CHST1: variants seen among roughly 807,000 people sequenced by gnomAD.
The protein encoded by CHST1 is Keratan sulfotransferase.
In CHST1, 10 loss-of-function variants were observed where a neutral mutation model predicts 22.5. That is an observed-to-expected ratio of 0.44 (90% CI 0.27 to 0.75). The LOEUF is 0.75. Ranked by LOEUF, CHST1 falls within the 30% of genes least tolerant of loss-of-function variation. CHST1 has a pLI of 0.15. For synonymous variants in CHST1, 267 were observed against 264.5 expected (o/e 1.01, Z -0.09); for missense variants, 439 against 576.1 (o/e 0.76, Z 2.44).
At chr11:45,663,008 G>A (rs779446818) in intron 1 of CHST1, among the ~76,000 whole-genome samples, 1 of 152,190 alleles carries the variant, frequency 6.6e-6, no homozygotes, top group Admixed American at 6.5e-5. Context: ...CCGCTACACC[G>A]AGTCCTCTGA....
chr11:45,658,104 G>C (rs1262539895), intron 1 of CHST1, among the ~76,000 whole-genome samples: 2 of 152,200 alleles, frequency 1.3e-5, no homozygotes, highest in Non-Finnish European at 2.9e-5. Context: ...AGCATTCAGG[G>C]AGGCAGTCGG....
In CHST1 at chr11:45,648,952, C is replaced by T. The variant is rs549993949; in HGVS notation, c.*736G>A. 18 of 152,568 alleles carry T rather than the reference C, an allele frequency of 1.2e-4. No individual in the cohort carries two copies. The highest frequency in any genetic ancestry group is 3.6e-4 in the African/African-American group (15 of 41,488). The allele number at this position is 152,568 out of a possible 1,614,324, so 9.5% of individuals were successfully genotyped here. On this transcript the variant is annotated 3_prime_UTR_variant, in exon 4 of 4. Transcript: ENST00000308064. ...TCAATGTTCATTTAGCAAACTGATC[C>T]ACTCTTTTTTTTTCTTTTTGGCACA...
At chr11:45,663,162 G>A (rs894877658) in intron 1 of CHST1, among the ~76,000 whole-genome samples, 1 of 152,156 alleles carries the variant, frequency 6.6e-6, no homozygotes, top group Non-Finnish European at 1.5e-5. Context: ...GCGGGCAAGG[G>A]AGGGAGACAG....
intron 1 of CHST1, among the ~76,000 whole-genome samples, chr11:45,660,081 T>C (rs1852111351): frequency 6.6e-6 from 1 of 152,228 alleles, no homozygotes; most frequent in Non-Finnish European, 1.5e-5. Flanking sequence ...ACCTCCATTG[T>C]AGAACACAAT....
intron 1 of CHST1, among the ~76,000 whole-genome samples, chr11:45,656,656 A>G (rs1016060831): frequency 6.6e-6 from 1 of 152,224 alleles, no homozygotes; most frequent in African/African-American, 2.4e-5. Flanking sequence ...TAGGAAGTAG[A>G]GGGGTGATTG....
At chr11:45,653,217 C>A (rs1371306460) in intron 1 of CHST1, among the ~76,000 whole-genome samples, 3 of 152,132 alleles carry the variant, frequency 2.0e-5, no homozygotes, top group Non-Finnish European at 4.4e-5. Flanking sequence ...CAACTTCTAG[C>A]ACTGTGTTAT....
At chr11:45,656,586 G>A (rs1027704683) in intron 1 of CHST1, among the ~76,000 whole-genome samples, 1 of 152,174 alleles carries the variant, frequency 6.6e-6, no homozygotes, top group Non-Finnish European at 1.5e-5. Context: ...CGTTTACACT[G>A]AGCTTTTTGA....
intron 3 of CHST1, 154 bp from the exon 4 acceptor site, chr11:45,651,119 G>T: frequency 4.1e-6 from 2 of 485,866 alleles, no homozygotes; most frequent in Non-Finnish European, 7.0e-6. Flanking sequence ...TTCTACACTA[G>T]ACTACCGTTC....
Position 45,650,655 on chromosome 11 carries a change from A to G in CHST1, c.269T>C (p.Phe90Ser), listed in dbSNP as rs753234808. Residue 90 changes from phenylalanine to serine, a missense_variant, in exon 4 of 4, where the codon TTT (phenylalanine) becomes TCT (serine). By Grantham distance (155) the Phe-to-Ser change is radical. Transcript: ENST00000308064. ...GTTCTGGACGTGGTAGAGGGGCTCA[A>G]ACAGGTAGAAGACGTCCAGGTGCTG... ...FNQHLDVFYL[F>S]EPLYHVQNTL... 1.2e-6 allele frequency: 2 copies of G among 1,614,104 alleles called. No individual in the cohort carries two copies. Among genetic ancestry groups the G allele is most frequent in the Non-Finnish European group, 1.7e-6 (2 of 1,179,992 alleles).
chr11:45,650,492 G>C lies in CHST1; in HGVS notation c.432C>G (p.Val144=), dbSNP rs1590687362. Residue 144 remains valine, a synonymous_variant, in exon 4 of 4, where the codon GTC becomes GTG. Transcript: ENST00000308064. ...GGAAGATCCTGTCGGTGGTGTGGTT[G>C]ACCGGCGGCGGCTTGATGTAGTTCT... ...FLENYIKPPP[V]NHTTDRIFRR... is the part of the protein sequence containing the mutation. 6.2e-7 allele frequency: 1 copy of C among 1,613,600 alleles called. No homozygotes were observed. The highest frequency in any genetic ancestry group is 1.3e-5 in the African/African-American group (1 of 75,066).
chr11:45,656,671 C>G (rs1479188246), intron 1 of CHST1, among the ~76,000 whole-genome samples: 1 of 152,098 alleles, frequency 6.6e-6, no homozygotes, highest in Non-Finnish European at 1.5e-5. Flanking sequence ...TGATTGATGA[C>G]AGGGTGCGGT....
Position 45,649,654 on chromosome 11 carries a change from C to G in CHST1, c.*34G>C, listed in dbSNP as rs1851963454. The G allele has an allele frequency of 1.3e-6, 2 of 1,511,866 alleles. No homozygotes were observed. Among genetic ancestry groups the G allele is most frequent in the Non-Finnish European group, 1.8e-6 (2 of 1,138,388 alleles). The allele number at this position is 1,511,866 out of a possible 1,614,324, so 93.7% of individuals were successfully genotyped here. A position where few individuals can be genotyped will look rare whatever the true frequency, so the allele number is the denominator to read the frequency against. On this transcript the variant is annotated 3_prime_UTR_variant, in exon 4 of 4. Coordinates refer to ENST00000308064, the MANE Select transcript of CHST1 (RefSeq NM_003654.6). ...CGGTCCATTTTATCAAAACCGACACCTTGCGCCTCCCGCCCCCACCCGCAC... is the reference window on the plus strand; with the variant it reads ...CGGTCCATTTTATCAAAACCGACACGTTGCGCCTCCCGCCCCCACCCGCAC...
Position 45,650,255 on chromosome 11 carries a change from C to T in CHST1, c.669G>A (p.Pro223=), listed in dbSNP as rs557691037. 1 of 1,607,542 alleles carries T rather than the reference C, an allele frequency of 6.2e-7. No homozygotes were observed. ...VNDLRALVED[P]RLNLKVIQLV... Reference sequence around the variant, plus strand: ...GCTGGATGACCTTGAGGTTTAATCGCGGGTCTTCCACCAGGGCGCGCAGGT... The same window carrying T: ...GCTGGATGACCTTGAGGTTTAATCGTGGGTCTTCCACCAGGGCGCGCAGGT... Residue 223 remains proline, a synonymous_variant, in exon 4 of 4, where the codon CCG becomes CCA. Transcript: ENST00000308064.
At chr11:45,654,795 G>C (rs1181212158) in intron 1 of CHST1, among the ~76,000 whole-genome samples, 1 of 152,228 alleles carries the variant, frequency 6.6e-6, no homozygotes, top group Non-Finnish European at 1.5e-5. Flanking sequence ...CCAGGAGAAA[G>C]CTCAGATTTC....
At chr11:45,659,614 C>G (rs1179954061) in intron 1 of CHST1, among the ~76,000 whole-genome samples, 1 of 152,116 alleles carries the variant, frequency 6.6e-6, no homozygotes, top group East Asian at 1.9e-4. Flanking sequence ...AGCTGAACGA[C>G]AAGAATGAAA....
In CHST1 at chr11:45,662,985, TC is replaced by T. The variant is rs1160931479; in HGVS notation, c.-227+2192del. Among the ~76,000 whole-genome samples the T allele has an allele frequency of 6.6e-5, 10 of 152,092 alleles. No individual in the cohort carries two copies. In the South Asian group the frequency reaches 2.1e-3, roughly 32 times the overall value. ...CTGGTTTTACTATATGTTTCCCTTC[TC>T]CCCCACCACAGCCGCTACACCGAGT... On this transcript the variant is annotated intron_variant, in intron 1 of 3. Transcript: ENST00000308064.
intron 1 of CHST1, among the ~76,000 whole-genome samples, chr11:45,658,463 G>A (rs1419521431): frequency 2.0e-5 from 3 of 152,202 alleles, no homozygotes; most frequent in Non-Finnish European, 4.4e-5. Flanking sequence ...CCACTGAAGC[G>A]CCAGCAGCCT....
chr11:45,650,316 A>G lies in CHST1; in HGVS notation c.608T>C (p.Val203Ala). The G allele has an allele frequency of 6.2e-7, 1 of 1,604,528 alleles. No individual in the cohort carries two copies. Among genetic ancestry groups the G allele is most frequent in the Non-Finnish European group, 8.5e-7 (1 of 1,179,686 alleles). Reference protein sequence around the residue: ...AAEACRERSHVAIKTVRVPEV... With the variant: ...AAEACRERSHAAIKTVRVPEV... ...GGGCACGCGCACCGTCTTGATGGCCACGTGGCTGCGCTCGCGGCACGCCTC... is the reference window on the plus strand; with the variant it reads ...GGGCACGCGCACCGTCTTGATGGCCGCGTGGCTGCGCTCGCGGCACGCCTC... Residue 203 changes from valine to alanine, a missense_variant, in exon 4 of 4, where the codon GTG becomes GCG. By Grantham distance (64) the Val-to-Ala change is moderately conservative. Coordinates refer to ENST00000308064, the MANE Select transcript of CHST1 (RefSeq NM_003654.6).
Position 45,655,783 on chromosome 11 carries a change from CT to C in CHST1, c.-226-3178del, listed in dbSNP as rs376087465. On this transcript the variant is annotated intron_variant, in intron 1 of 3. Coordinates refer to ENST00000308064, the MANE Select transcript of CHST1 (RefSeq NM_003654.6). Reference sequence around the variant, plus strand: ...GGATGGGTGACCTTGGACTCACCCCCTGGCCTCTCTGTGCCTCAGTTACACC... The same window carrying C: ...GGATGGGTGACCTTGGACTCACCCCCGGCCTCTCTGTGCCTCAGTTACACC... Among the ~76,000 whole-genome samples, 700 of 152,352 alleles carry C rather than the reference CT, an allele frequency of 4.6e-3. 6 individuals carry two copies. The highest frequency in any genetic ancestry group is 0.016 in the African/African-American group (673 of 41,584).
Sources: gnomAD v4.1 joint callset for allele counts (sites outside exome capture counted in the v4.1 genomes callset) on GRCh38, gnomAD v4.1.1 for gene constraint, MANE v1.5 for transcripts, NCBI Gene and HGNC (gene_info 2026-07-23, HGNC 2026-07-21) for gene names.